CAMTA1: variants seen among roughly 807,000 people sequenced by gnomAD.
CAMTA1 encodes the protein calmodulin binding transcription activator 1.
A neutral mutation model predicts 170.9 loss-of-function variants in CAMTA1; 27 were observed. The observed-to-expected ratio is 0.16, with a 90% CI of 0.12 to 0.22. The LOEUF is 0.22. Among genes scored for constraint, CAMTA1 ranks in the 10% least tolerant of loss-of-function variants. The probability of loss-of-function intolerance (pLI) is 1.00; values close to 1 mark genes in which losing one functional copy is unlikely to be tolerated. For synonymous variants in CAMTA1, 833 were observed against 891.5 expected, an observed-to-expected ratio of 0.93 and a Z score of 1.17; for missense variants, 1,619 against 2,217.2, an observed-to-expected ratio of 0.73 and a Z score of 5.42.
chr1:7,646,207 T>C (rs2095802647), intron 7 of CAMTA1, among the ~76,000 whole-genome samples: 1 of 142,650 alleles, frequency 7.0e-6, no homozygotes, highest in Non-Finnish European at 1.5e-5. Context: ...CCATGGTGAT[T>C]GTGAAGGTGG....
At chr1:6,800,581 A>C (rs1331075805) in intron 1 of CAMTA1, among the ~76,000 whole-genome samples, 1 of 152,196 alleles carries the variant, frequency 6.6e-6, no homozygotes, top group Non-Finnish European at 1.5e-5. Flanking sequence ...AATATTTGCT[A>C]ACCTCAGACT....
chr1:7,640,283 A>G (rs1407814102), intron 6 of CAMTA1, 117 bp from the exon 7 acceptor site: 7 of 1,135,062 alleles, frequency 6.2e-6, no homozygotes, highest in Non-Finnish European at 8.9e-6. Flanking sequence ...GTGTGAGGTC[A>G]AGAGAGCCGG....
At position 7,534,117 on chromosome 1, in the gene CAMTA1, C is replaced by T. The variant is rs946076639; in HGVS notation, c.510+66216C>T. On this transcript the variant is annotated intron_variant, in intron 6 of 22. Transcript: ENST00000303635. This position sits in a 1 kb window ranked among gnomAD's most constrained non-coding sequence, Gnocchi z 5.6. ...AGGCCCCTCCCATCACCGGTCACCC[C>T]GCCCGCCAGGCCCCTGGCAGCCTCA... Among the ~76,000 whole-genome samples the T allele has an allele frequency of 3.3e-5, 5 of 152,156 alleles. 1 individual carries two copies. Among genetic ancestry groups the T allele is most frequent in the Middle Eastern group, 6.3e-3 (2 of 316 alleles).
intron 5 of CAMTA1, among the ~76,000 whole-genome samples, chr1:7,392,560 C>T (rs1290538621): frequency 2.8e-5 from 4 of 143,666 alleles, no homozygotes; most frequent in African/African-American, 1.0e-4. Flanking sequence ...CGGCCAAGAC[C>T]CCCATCTTTA....
At chr1:7,193,618 A>G (rs1654960479) in intron 4 of CAMTA1, among the ~76,000 whole-genome samples, 1 of 152,084 alleles carries the variant, frequency 6.6e-6, no homozygotes, top group East Asian at 1.9e-4. Flanking sequence ...CCCTGAAGAC[A>G]AAGTCCTTCC....
At chr1:7,338,888 G>C (rs1022913070) in intron 5 of CAMTA1, among the ~76,000 whole-genome samples, 5 of 152,174 alleles carry the variant, frequency 3.3e-5, no homozygotes, top group Non-Finnish European at 7.3e-5. Context: ...TCACAGTTCC[G>C]CAGGCTGTAC....
Position 7,475,952 on chromosome 1 carries a change from A to C in CAMTA1, c.510+8051A>C, listed in dbSNP as rs143131776. On this transcript the variant is annotated intron_variant, in intron 6 of 22. Transcript: ENST00000303635. ...GCAGTGAGCAGAGATGAGAAGGAAGAGCAGCTTCCAGAGCCTGGATGTGCT... is the reference window on the plus strand; with the variant it reads ...GCAGTGAGCAGAGATGAGAAGGAAGCGCAGCTTCCAGAGCCTGGATGTGCT... Among the ~76,000 whole-genome samples the C allele has an allele frequency of 6.3e-3, 964 of 152,290 alleles. 7 individuals carry two copies. Among genetic ancestry groups the C allele is most frequent in the South Asian group, 0.029 (140 of 4,824 alleles).
intron 4 of CAMTA1, among the ~76,000 whole-genome samples, chr1:7,168,853 T>A (rs555792305): frequency 6.6e-6 from 1 of 152,358 alleles, no homozygotes; most frequent in Non-Finnish European, 1.5e-5. Flanking sequence ...GCCTCATGTC[T>A]GATTCTAAAG....
At chr1:6,936,027 G>T (rs375532165) in intron 3 of CAMTA1, among the ~76,000 whole-genome samples, 66 of 152,328 alleles carry the variant, frequency 4.3e-4, no homozygotes, top group African/African-American at 1.5e-3. Context: ...CCTGAGCCTG[G>T]AGGATGGCCT....
chr1:6,871,629 G>T, intron 3 of CAMTA1: 1 of 697,606 alleles, frequency 1.4e-6, no homozygotes, highest in Non-Finnish European at 2.3e-6. Flanking sequence ...GGTTTTGTAT[G>T]TAAATAAAAA....
At chr1:7,262,907 G>A (rs1300362533) in intron 5 of CAMTA1, among the ~76,000 whole-genome samples, 2 of 152,198 alleles carry the variant, frequency 1.3e-5, no homozygotes, top group Non-Finnish European at 2.9e-5. Flanking sequence ...TGTTGACATT[G>A]GCAGAGAGGT....
At chr1:7,751,975 C>T (rs900194343) in intron 20 of CAMTA1, among the ~76,000 whole-genome samples, 5 of 152,112 alleles carry the variant, frequency 3.3e-5, no homozygotes, top group South Asian at 2.1e-4. Context: ...GCATGTGAGA[C>T]CTTGGGAGAG....
At chr1:7,305,661 G>A (rs1675474307) in intron 5 of CAMTA1, among the ~76,000 whole-genome samples, 1 of 151,810 alleles carries the variant, frequency 6.6e-6, no homozygotes, top group Non-Finnish European at 1.5e-5. Flanking sequence ...TATAAGTTTG[G>A]GATGATCATG....
chr1:7,436,036 G>A (rs1036213861), intron 5 of CAMTA1, among the ~76,000 whole-genome samples: 4 of 152,218 alleles, frequency 2.6e-5, no homozygotes, highest in Non-Finnish European at 5.9e-5. Flanking sequence ...GGGAGGCTCT[G>A]GGCTTTCTTA....
In CAMTA1 at chr1:7,105,486, A is replaced by G. The variant is rs538524760; in HGVS notation, c.302+14115A>G. Among the ~76,000 whole-genome samples, 11 of 152,372 alleles carry G rather than the reference A, an allele frequency of 7.2e-5. No individual in the cohort carries two copies. The South Asian group carries it at 2.1e-3, about 29-fold the overall frequency. ...GCCCACGGTGGGGTGGCTCGGAGGC[A>G]GAGGCGGATCTGCGGCCTTTTCCTC... On this transcript the variant is annotated intron_variant, in intron 4 of 22. Transcript: ENST00000303635.
intron 5 of CAMTA1, among the ~76,000 whole-genome samples, chr1:7,356,645 T>C (rs1488331318): frequency 6.6e-6 from 1 of 152,092 alleles, no homozygotes; most frequent in Non-Finnish European, 1.5e-5. Flanking sequence ...GTCCCCAGGG[T>C]CCCTCTAGCA....
At chr1:6,836,556 G>A (rs1009121510) in intron 3 of CAMTA1, among the ~76,000 whole-genome samples, 34 of 152,132 alleles carry the variant, frequency 2.2e-4, no homozygotes, top group African/African-American at 7.7e-4. Context: ...AATTGGACAA[G>A]GTGAAGCAGA....
Position 7,667,560 on chromosome 1 carries a change from G to A in CAMTA1, c.2652+2361G>A, listed in dbSNP as rs187875146. On this transcript the variant is annotated intron_variant, in intron 9 of 22. Coordinates refer to ENST00000303635, the MANE Select transcript of CAMTA1 (RefSeq NM_015215.4). ...TGCAGAAGCCAGGAGGTGGGAGGAG[G>A]GTCCCCTCTTTTCCCGAGGTCCTGG... Among the ~76,000 whole-genome samples, 247 of 152,220 alleles carry A rather than the reference G, an allele frequency of 1.6e-3. 9 individuals are homozygous for A. The South Asian group carries it at 0.047, about 29-fold the overall frequency.
intron 5 of CAMTA1, among the ~76,000 whole-genome samples, chr1:7,317,851 T>C (rs904037175): frequency 1.7e-4 from 26 of 152,266 alleles, no homozygotes; most frequent in African/African-American, 4.6e-4. Flanking sequence ...ATAATAATTG[T>C]AAAGTGACCA....
Sources: gnomAD v4.1 joint callset for allele counts (sites outside exome capture counted in the v4.1 genomes callset) on GRCh38, gnomAD v4.1.1 for gene constraint, Gnocchi (gnomAD v3.1) non-coding constraint, MANE v1.5 for transcripts, NCBI Gene and HGNC (gene_info 2026-07-23, HGNC 2026-07-21) for gene names.